Variants in ZNF540 observed in about 807,000 individuals in gnomAD.
ZNF540 encodes zinc finger protein 540.
In ZNF540, 3 loss-of-function variants were observed where a neutral mutation model predicts 11.8. The observed-to-expected ratio is 0.25, with a 90% CI of 0.12 to 0.65. The LOEUF (loss-of-function observed/expected upper bound fraction) is 0.65. ZNF540 is among the 30% of genes least tolerant of loss of function. The pLI is 0.83. For synonymous variants in ZNF540, 247 were observed against 259.0 expected (o/e 0.95, Z 0.45); for missense variants, 709 against 793.1 (o/e 0.89, Z 1.27).
intron 3 of ZNF540, 29 bp from the exon 4 acceptor site, chr19:37,600,981 A>G (rs1206642862): frequency 1.3e-6 from 2 of 1,516,594 alleles, no homozygotes; most frequent in East Asian, 2.5e-5. Flanking sequence ...TTATTTCTAT[A>G]TATTCTTTTA....
chr19:37,587,469 C>T (rs1600531595), intron 1 of ZNF540: 1 of 152,266 alleles, frequency 6.6e-6, no homozygotes, highest in African/African-American at 2.4e-5. Context: ...GAGGGTCAAA[C>T]AGGAGCAACA....
chr19:37,555,100 T>G (rs2042645826), intron 1 of ZNF540: 2 of 152,168 alleles, frequency 1.3e-5, no homozygotes, highest in Admixed American at 1.3e-4. Context: ...ATCAGTTAAT[T>G]GCATTCTTGG....
At chr19:37,565,724 C>T in intron 1 of ZNF540, 1 of 1,613,788 alleles carries the variant, frequency 6.2e-7, no homozygotes, top group Non-Finnish European at 8.5e-7. Flanking sequence ...GAGCTGTGAA[C>T]CACGAATAAA....
rs113485899 is a variant in ZNF540, at chr19:37,598,506, C to G, written c.9+50C>G. On this transcript the variant is annotated intron_variant, in intron 2 of 4. Transcript: ENST00000316433. ...TTTAGATTATTTTGTTTTTAAAGAT[C>G]ATGTGAACATTTTCACTCTTTATGC... 1,911 of 1,601,562 alleles carry G rather than the reference C, an allele frequency of 1.2e-3. 20 individuals carry two copies. In the African/African-American group the frequency reaches 0.022, roughly 18 times the overall value.
At chr19:37,555,543 ATGT>A (rs1179998574) in intron 1 of ZNF540, 2 of 232,194 alleles carry the variant, frequency 8.6e-6, no homozygotes, top group African/African-American at 4.6e-5. Flanking sequence ...ATACCAGGGG[ATGT>A]TGTTTTCTCG....
At chr19:37,601,172 C>T in intron 4 of ZNF540, 67 bp downstream of exon 4, 1 of 1,337,582 alleles carries the variant, frequency 7.5e-7, no homozygotes, top group Non-Finnish European at 1.0e-6. Context: ...GGTGAGGGAG[C>T]ATATACAGGC....
intron 1 of ZNF540, among the ~76,000 whole-genome samples, chr19:37,596,668 T>C (rs116227647): frequency 0.011 from 1,616 of 152,322 alleles, 28 homozygotes; most frequent in African/African-American, 0.037. Flanking sequence ...GACAGGGTCA[T>C]AGGAGTGGGA....
chr19:37,595,325 T>C (rs1424519319), intron 1 of ZNF540: 1 of 152,214 alleles, frequency 6.6e-6, no homozygotes, highest in Admixed American at 6.5e-5. Context: ...AGGCTATTAG[T>C]GGCGCATTTA....
At chr19:37,604,296 CT>C (rs769163050) in intron 4 of ZNF540, among the ~76,000 whole-genome samples, 71 of 75,230 alleles carry the variant, frequency 9.4e-4, no homozygotes, top group Admixed American at 1.3e-3. Flanking sequence ...AATAGCCTTA[CT>C]TTTTTTTTTT....
At chr19:37,565,635 GT>G in intron 1 of ZNF540, 1 of 1,613,240 alleles carries the variant, frequency 6.2e-7, no homozygotes, top group Admixed American at 1.7e-5. Context: ...AGAGTATATT[GT>G]GAACAATAAC....
At chr19:37,577,060 A>G (rs1412011891) in intron 1 of ZNF540, among the ~76,000 whole-genome samples, 1 of 152,204 alleles carries the variant, frequency 6.6e-6, no homozygotes, top group African/African-American at 2.4e-5. Flanking sequence ...TAAAACAGAA[A>G]TAAATGGGCT....
chr19:37,558,866 AGAGT>A (rs2042689063), intron 1 of ZNF540, among the ~76,000 whole-genome samples: 2 of 152,270 alleles, frequency 1.3e-5, no homozygotes, highest in African/African-American at 4.8e-5. Context: ...AGACAGAGAG[AGAGT>A]GTTTCACTCT....
intron 4 of ZNF540, among the ~76,000 whole-genome samples, chr19:37,601,812 G>A (rs2044041525): frequency 1.3e-5 from 2 of 152,292 alleles, no homozygotes; most frequent in East Asian, 1.9e-4. Flanking sequence ...TTGAAGAACT[G>A]GAAAAGCTCA....
chr19:37,604,631 A>G lies in ZNF540; in HGVS notation c.232+3526A>G, dbSNP rs187920848. 1.2e-3 allele frequency among the ~76,000 whole-genome samples: 190 copies of G among 152,072 alleles called. 1 individual carries two copies. The highest frequency in any genetic ancestry group is 2.3e-3 in the Non-Finnish European group (157 of 67,946). On this transcript the variant is annotated intron_variant, in intron 4 of 4. Transcript: ENST00000316433. ...CAGCCTTACTATTTTTTTTCAAATC[A>G]GCTTTATTGAGATATGATTTATATA...
At chr19:37,551,839 G>GGT (rs989163733) in intron 1 of ZNF540, among the ~76,000 whole-genome samples, 1 of 151,974 alleles carries the variant, frequency 6.6e-6, no homozygotes, top group African/African-American at 2.4e-5. Context: ...TGTGTGGGGG[G>GGT]GGTGGTGTCT....
chr19:37,574,915 G>A (rs1260437238), intron 1 of ZNF540, among the ~76,000 whole-genome samples: 1 of 152,132 alleles, frequency 6.6e-6, no homozygotes, highest in Non-Finnish European at 1.5e-5. Flanking sequence ...ATATAATGCT[G>A]TTATACCTAC....
At chr19:37,555,759 A>C in intron 1 of ZNF540, 3 of 620,310 alleles carry the variant, frequency 4.8e-6, no homozygotes, top group Non-Finnish European at 8.6e-6. Context: ...CCAACATCAA[A>C]TCCTGGGATA....
intron 1 of ZNF540, chr19:37,565,628 GTA>G: frequency 6.2e-7 from 1 of 1,613,340 alleles, no homozygotes; most frequent in Admixed American, 1.7e-5. Context: ...CTGATGAAGA[GTA>G]TATTGTGAAC....
intron 1 of ZNF540, chr19:37,585,783 T>C (rs2043651829): frequency 6.6e-6 from 1 of 152,160 alleles, no homozygotes; most frequent in South Asian, 2.1e-4. Flanking sequence ...AGAAGTGCAA[T>C]TAAATTAAGG....
Sources: allele counts gnomAD v4.1 joint callset (sites outside exome capture counted in the v4.1 genomes callset), GRCh38; gene constraint gnomAD v4.1.1; transcripts MANE v1.5; gene names NCBI Gene and HGNC (gene_info 2026-07-23, HGNC 2026-07-21).